Variants in DDX60 observed in about 807,000 individuals in gnomAD.
DDX60 encodes probable ATP-dependent RNA helicase DDX60.
DDX60 carries 165 observed loss-of-function variants against 212.8 expected under a neutral mutation model. The observed-to-expected ratio is 0.78, with a 90% CI of 0.68 to 0.88. DDX60 has a LOEUF of 0.88. Ranked by LOEUF, DDX60 falls within the 40% of genes least tolerant of loss-of-function variation. The pLI is 0.00. For missense variants in DDX60, 1,905 were observed against 2,003.9 expected (o/e 0.95, Z 0.94); for synonymous variants, 703 against 685.3 (o/e 1.03, Z -0.40).
intron 12 of DDX60, among the ~76,000 whole-genome samples, chr4:168,284,484 G>A (rs1438390234): frequency 1.3e-5 from 2 of 152,146 alleles, no homozygotes; most frequent in Admixed American, 6.6e-5. Flanking sequence ...GCAGCCAATC[G>A]GGTGTTATCA....
In DDX60 at chr4:168,280,542, C is replaced by A. The variant is rs766024487; in HGVS notation, c.1771G>T (p.Ala591Ser). ...IARENKKRLF[A>S]REEQKEEQKW... ...TGCTCTTCCTTTTGTTCTTCCCTGG[C>A]AAATAACCTTTTCTTATTCTCTCTA... The change falls in exon 14 of 38, where the codon GCC becomes TCC. Residue 591 changes from alanine to serine, a missense_variant. Transcript: ENST00000393743. 5 of 1,613,812 alleles carry A rather than the reference C, an allele frequency of 3.1e-6. No homozygotes were observed. The highest frequency in any genetic ancestry group is 1.7e-5 in the Admixed American group (1 of 59,980).
intron 8 of DDX60, among the ~76,000 whole-genome samples, chr4:168,290,328 C>CTTT (rs547452038): frequency 3.2e-5 from 4 of 124,254 alleles, no homozygotes; most frequent in African/African-American, 9.6e-5. Flanking sequence ...CTTTTCTTTT[C>CTTT]TTTTTTTTTT....
rs776513772 is a variant in DDX60, at chr4:168,287,090, T to C, written c.1297A>G (p.Thr433Ala). Residue 433 changes from threonine to alanine, a missense_variant, in exon 10 of 38, where the codon ACA becomes GCA. By Grantham distance (58) the Thr-to-Ala change is moderately conservative. Coordinates refer to ENST00000393743, the MANE Select transcript of DDX60 (RefSeq NM_017631.6). ...TTCTTTTCAAGAAAACAAACTTTTG[T>C]TGTTCTCAGAGGAAATGGCTGTCCA... ...EVGQPFPLRT[T>A]KVCFLEKKPS... The C allele has an allele frequency of 2.5e-6, 4 of 1,609,998 alleles. No homozygotes were observed. Among genetic ancestry groups the C allele is most frequent in the Non-Finnish European group, 3.4e-6 (4 of 1,179,070 alleles).
intron 1 of DDX60, among the ~76,000 whole-genome samples, chr4:168,314,325 A>T (rs1737270840): frequency 6.6e-6 from 1 of 151,788 alleles, no homozygotes; most frequent in Admixed American, 6.6e-5. Context: ...GAACACTCAC[A>T]CACACACACA....
intron 6 of DDX60, among the ~76,000 whole-genome samples, chr4:168,294,903 T>A (rs1466393146): frequency 6.6e-6 from 1 of 152,116 alleles, no homozygotes; most frequent in Non-Finnish European, 1.5e-5. Flanking sequence ...ACAAACGACC[T>A]GGACAGTCAT....
Position 168,306,490 on chromosome 4 carries a change from A to G in DDX60, c.495T>C (p.Ser165=). Residue 165 remains serine, a synonymous_variant, in exon 5 of 38, where the codon TCT becomes TCC. Transcript: ENST00000393743. ...GTACAACGTTGACCTTCCTTGCCCA[A>G]GAATGAATGATTAAAAAGTTGAAAA... ...TQLFNFLIIH[S]WARKVNVVLS... 1.2e-6 allele frequency: 2 copies of G among 1,614,212 alleles called. No individual in the cohort carries two copies. Among genetic ancestry groups the G allele is most frequent in the Non-Finnish European group, 1.7e-6 (2 of 1,180,028 alleles).
chr4:168,306,458 G>A lies in DDX60; in HGVS notation c.527C>T (p.Ser176Leu). ...GCAAAGAACATCAGATTCTTGCCCT[G>A]AGGAAAGTACAACGTTGACCTTCCT... ...WARKVNVVLS[S>L]GQESDVLCLY... The change falls in exon 5 of 38, where the codon TCA becomes TTA. Residue 176 changes from serine to leucine, a missense_variant. Transcript: ENST00000393743. 1 of 1,614,138 alleles carries A rather than the reference G, an allele frequency of 6.2e-7. No homozygotes were observed. The highest frequency in any genetic ancestry group is 8.5e-7 in the Non-Finnish European group (1 of 1,179,994).
rs771219324 is a variant in DDX60, at chr4:168,262,158, C to T, written c.3145-30G>A. 3 of 1,561,198 alleles carry T rather than the reference C, an allele frequency of 1.9e-6. No individual in the cohort carries two copies. The South Asian group carries it at 3.6e-5, about 19-fold the overall frequency. On this transcript the variant is annotated intron_variant, in intron 23 of 37. Transcript: ENST00000393743. ...AAAACAAATATTACAAAATTAGGCA[C>T]AATCATGCAAGAAAATCCAAAAGTA...
Position 168,248,227 on chromosome 4 carries a change from A to T in DDX60, c.3924T>A (p.Ala1308=). 1 of 1,611,332 alleles carries T rather than the reference A, an allele frequency of 6.2e-7. No individual in the cohort carries two copies. The highest frequency in any genetic ancestry group is 8.5e-7 in the Non-Finnish European group (1 of 1,179,058). ...VNMPCKSVVF[A]QNSVYLDALN... is the part of the protein sequence containing the mutation. ...ACGCATCCAGATAGACTGAGTTTTGAGCAAAAACCACAGATTTACAAGGCA... is the reference window on the plus strand; with the variant it reads ...ACGCATCCAGATAGACTGAGTTTTGTGCAAAAACCACAGATTTACAAGGCA... The change falls in exon 29 of 38, where the codon GCT becomes GCA. Residue 1308 remains alanine (A), a synonymous_variant. Transcript: ENST00000393743.
chr4:168,321,514 T>TC (rs1178216757), upstream of DDX60, among the ~76,000 whole-genome samples: 2 of 152,168 alleles, frequency 1.3e-5, no homozygotes, highest in African/African-American at 4.8e-5. Flanking sequence ...TTTTTTCTGT[T>TC]CCCCTCAGCC....
At chr4:168,219,723 C>T (rs991060253) in intron 37 of DDX60, among the ~76,000 whole-genome samples, 1 of 152,144 alleles carries the variant, frequency 6.6e-6, no homozygotes, top group African/African-American at 2.4e-5. Flanking sequence ...GAGTTGCATG[C>T]AGATTGAAGG....
chr4:168,279,722 A>T (rs1735506765), intron 14 of DDX60, among the ~76,000 whole-genome samples: 1 of 152,256 alleles, frequency 6.6e-6, no homozygotes, highest in African/African-American at 2.4e-5. Flanking sequence ...GTGAAACAAC[A>T]TATTGAAGTT....
intron 1 of DDX60, among the ~76,000 whole-genome samples, chr4:168,312,487 T>C (rs1219778028): frequency 6.6e-6 from 1 of 152,014 alleles, no homozygotes; most frequent in Non-Finnish European, 1.5e-5. Context: ...AAACCCACAT[T>C]TGAAGATACT....
intron 23 of DDX60, 149 bp downstream of exon 23, chr4:168,262,534 T>C: frequency 1.8e-6 from 1 of 563,808 alleles, no homozygotes; most frequent in Non-Finnish European, 3.1e-6. Context: ...AACAAACAGA[T>C]AATGTTAGAA....
chr4:168,274,442 T>C (rs113585390), intron 16 of DDX60, among the ~76,000 whole-genome samples: 22 of 152,316 alleles, frequency 1.4e-4, no homozygotes, highest in African/African-American at 5.1e-4. Context: ...ACATCAAACA[T>C]TCTTAATTTT....
chr4:168,294,292 G>A (rs1736245309), intron 6 of DDX60, among the ~76,000 whole-genome samples: 1 of 152,014 alleles, frequency 6.6e-6, no homozygotes, highest in East Asian at 1.9e-4. Context: ...TACAAGACTT[G>A]AAAGTGTAAA....
chr4:168,233,540 G>A (rs545757754), intron 33 of DDX60, among the ~76,000 whole-genome samples: 2 of 152,148 alleles, frequency 1.3e-5, no homozygotes, highest in South Asian at 4.1e-4. Flanking sequence ...AAATAGAAAT[G>A]AAATAAGAGC....
intron 11 of DDX60, 65 bp from the exon 12 acceptor site, chr4:168,285,000 AT>A: frequency 1.2e-6 from 1 of 811,758 alleles, no homozygotes; most frequent in Non-Finnish European, 1.9e-6. Context: ...CACAGATTTT[AT>A]TTTATAATGT....
At chr4:168,258,550 G>A (rs956702370) in intron 25 of DDX60, among the ~76,000 whole-genome samples, 1 of 152,084 alleles carries the variant, frequency 6.6e-6, no homozygotes, top group Admixed American at 6.5e-5. Flanking sequence ...TTGATGATCT[G>A]GGATCAAATT....
Sources: gnomAD v4.1 joint callset for allele counts (sites outside exome capture counted in the v4.1 genomes callset) on GRCh38, gnomAD v4.1.1 for gene constraint, MANE v1.5 for transcripts, NCBI Gene and HGNC (gene_info 2026-07-23, HGNC 2026-07-21) for gene names.